CAMK4: variants seen among roughly 807,000 people sequenced by gnomAD.
CAMK4 encodes the protein calcium/calmodulin dependent protein kinase IV.
Under a neutral mutation model 44.9 loss-of-function variants are expected in CAMK4, and 22 were observed. That is an observed-to-expected ratio of 0.49 (90% CI 0.35 to 0.70). The LOEUF (loss-of-function observed/expected upper bound fraction) is 0.70, where lower values mean the gene tolerates loss of function less well. CAMK4 is among the 30% of genes least tolerant of loss of function. The pLI is 0.01. For missense variants in CAMK4, 498 were observed against 586.8 expected (o/e 0.85, Z 1.56); for synonymous variants, 218 against 215.4 (o/e 1.01, Z -0.11).
intron 1 of CAMK4, among the ~76,000 whole-genome samples, chr5:111,264,562 A>C (rs1750145741): frequency 6.6e-6 from 1 of 152,170 alleles, no homozygotes. Flanking sequence ...ACTGCACTAA[A>C]TCTATTGTCC....
At position 111,224,435 on chromosome 5, in the gene CAMK4, G is replaced by GGGCAGC; in HGVS notation, c.-45_-40dup. 2 of 1,534,488 alleles carry GGGCAGC rather than the reference G, an allele frequency of 1.3e-6. No individual in the cohort carries two copies. Among genetic ancestry groups the GGGCAGC allele is most frequent in the African/African-American group, 1.4e-5 (1 of 69,614 alleles). On this transcript the variant is annotated 5_prime_UTR_variant, in exon 1 of 11. Transcript: ENST00000282356. This position sits in a 1 kb window ranked among gnomAD's most constrained non-coding sequence, Gnocchi z 5.7. ...GCGGCTGGCGGCCGGCTTCTCGCTC[G>GGGCAGC]GGCAGCGGCGGCGGCGGCGGCGGCG... is the stretch of plus-strand genomic sequence containing the variant.
chr5:111,353,577 A>G (rs1248209930), intron 2 of CAMK4, among the ~76,000 whole-genome samples: 2 of 152,150 alleles, frequency 1.3e-5, no homozygotes, highest in Non-Finnish European at 2.9e-5. Context: ...TCTGTAGATT[A>G]TATGATTTTA....
intron 1 of CAMK4, among the ~76,000 whole-genome samples, chr5:111,292,393 GTGTGTATATGTA>G (rs1249235074): frequency 3.9e-5 from 6 of 152,042 alleles, no homozygotes; most frequent in Admixed American, 6.6e-5. Flanking sequence ...ATGTGTTTGT[GTGTGTATATGTA>G]TGTGTATATG....
At chr5:111,295,008 G>A (rs527681308) in intron 1 of CAMK4, among the ~76,000 whole-genome samples, 2 of 152,200 alleles carry the variant, frequency 1.3e-5, no homozygotes, top group East Asian at 3.9e-4. Flanking sequence ...ACATCGAGAG[G>A]CAAATTTTAT....
chr5:111,426,921 C>T (rs1407633072), intron 5 of CAMK4, among the ~76,000 whole-genome samples: 1 of 152,178 alleles, frequency 6.6e-6, no homozygotes, highest in African/African-American at 2.4e-5. Flanking sequence ...GCAAGGCAGT[C>T]TAGGCCACAA....
At chr5:111,272,126 T>C (rs1750544223) in intron 1 of CAMK4, among the ~76,000 whole-genome samples, 1 of 151,960 alleles carries the variant, frequency 6.6e-6, no homozygotes, top group African/African-American at 2.4e-5. Flanking sequence ...TGTTTGTGTG[T>C]GTGTGTGTGG....
At chr5:111,417,984 A>G (rs774983768) in intron 5 of CAMK4, among the ~76,000 whole-genome samples, 17 of 150,918 alleles carry the variant, frequency 1.1e-4, no homozygotes, top group Non-Finnish European at 2.9e-5. Flanking sequence ...GATACTTACA[A>G]CTGATATTTT....
chr5:111,302,383 T>C (rs961710139), intron 1 of CAMK4: 8 of 147,536 alleles, frequency 5.4e-5, no homozygotes, highest in African/African-American at 2.1e-4. Context: ...GGCCAGTGTG[T>C]GTGCGCACCG....
intron 5 of CAMK4, among the ~76,000 whole-genome samples, chr5:111,438,244 C>T (rs992676169): frequency 4.6e-5 from 7 of 152,094 alleles, no homozygotes; most frequent in Admixed American, 6.6e-5. Context: ...TGAGACAAGG[C>T]AGTTGGATAA....
intron 1 of CAMK4, among the ~76,000 whole-genome samples, chr5:111,314,266 C>G (rs1012408219): frequency 6.6e-6 from 1 of 151,986 alleles, no homozygotes; most frequent in Non-Finnish European, 1.5e-5. Context: ...CTTATGAAGA[C>G]TCACTTTTTC....
At chr5:111,406,683 C>G (rs181906018) in intron 5 of CAMK4, among the ~76,000 whole-genome samples, 43 of 151,996 alleles carry the variant, frequency 2.8e-4, no homozygotes, top group Non-Finnish European at 5.3e-4. Flanking sequence ...TTCTAGGTCC[C>G]GAGGAGAGCT....
At chr5:111,385,917 T>C (rs751385617) in intron 4 of CAMK4, among the ~76,000 whole-genome samples, 1 of 152,126 alleles carries the variant, frequency 6.6e-6, no homozygotes, top group Non-Finnish European at 1.5e-5. Flanking sequence ...ATCTATAGTA[T>C]GAGAGAAGTA....
intron 6 of CAMK4, 51 bp downstream of exon 6, chr5:111,446,827 A>G: frequency 9.0e-7 from 1 of 1,112,026 alleles, no homozygotes; most frequent in African/African-American, 1.5e-5. Flanking sequence ...AGCAGAAAAA[A>G]TTTTACTGTG....
In CAMK4 at chr5:111,490,652, C is replaced by T. The variant is rs17133311; in HGVS notation, c.*6186C>T. ...TGAAAACTATCATCTCATACTGCCT[C>T]CTTTTAACCTGACCTATTTTATATA... is the stretch of plus-strand genomic sequence containing the variant. On this transcript the variant is annotated 3_prime_UTR_variant, in exon 11 of 11. Transcript: ENST00000282356. 1 of 152,094 alleles carries T rather than the reference C, an allele frequency of 6.6e-6. No homozygotes were observed. The highest frequency in any genetic ancestry group is 1.5e-5 in the Non-Finnish European group (1 of 68,028). The allele number at this position is 152,094 out of a possible 1,614,324, so 9.4% of individuals were successfully genotyped here. A position where few individuals can be genotyped will look rare whatever the true frequency, so the allele number is the denominator to read the frequency against.
Position 111,437,843 on chromosome 5 carries a change from G to T in CAMK4, c.460-8843G>T, listed in dbSNP as rs11950435. On this transcript the variant is annotated intron_variant, in intron 5 of 10. Coordinates refer to ENST00000282356, the MANE Select transcript of CAMK4 (RefSeq NM_001744.6). ...GGAACCAGATCACCAAGACCTTGAAGGCCAGGATAAAGTCGTGGAAAACCA... is the reference window on the plus strand; with the variant it reads ...GGAACCAGATCACCAAGACCTTGAATGCCAGGATAAAGTCGTGGAAAACCA... Among the ~76,000 whole-genome samples, 1,055 of 152,270 alleles carry T rather than the reference G, an allele frequency of 6.9e-3. 8 individuals are homozygous for T. Among genetic ancestry groups the T allele is most frequent in the African/African-American group, 0.024 (1,009 of 41,532 alleles).
chr5:111,369,336 A>G (rs1750917591), intron 2 of CAMK4, among the ~76,000 whole-genome samples: 2 of 152,118 alleles, frequency 1.3e-5, no homozygotes, highest in South Asian at 4.1e-4. Flanking sequence ...AAGTGTTGGG[A>G]TTACAGGCGT....
At chr5:111,238,233 C>T (rs540427232) in intron 1 of CAMK4, among the ~76,000 whole-genome samples, 30 of 152,176 alleles carry the variant, frequency 2.0e-4, no homozygotes, top group Non-Finnish European at 4.0e-4. Flanking sequence ...AGCCTAGGTA[C>T]CAGTCATTTC....
At chr5:111,444,365 CAGTA>C (rs1329121093) in intron 5 of CAMK4, among the ~76,000 whole-genome samples, 2 of 152,120 alleles carry the variant, frequency 1.3e-5, no homozygotes, top group East Asian at 3.9e-4. Flanking sequence ...GCTTAAAATA[CAGTA>C]AGTGTTTAAA....
intron 1 of CAMK4, among the ~76,000 whole-genome samples, chr5:111,335,211 T>C (rs774942835): frequency 1.3e-5 from 2 of 151,490 alleles, no homozygotes; most frequent in African/African-American, 2.4e-5. Context: ...CATCCCACTA[T>C]GTCCTCTCCT....
Sources: gnomAD v4.1 joint callset for allele counts (sites outside exome capture counted in the v4.1 genomes callset) on GRCh38, gnomAD v4.1.1 for gene constraint, Gnocchi (gnomAD v3.1) non-coding constraint, MANE v1.5 for transcripts, NCBI Gene and HGNC (gene_info 2026-07-23, HGNC 2026-07-21) for gene names.